Variants in LRRC1 observed in about 807,000 individuals in gnomAD.
LRRC1 encodes leucine rich repeat containing 1.
A neutral mutation model predicts 69.9 loss-of-function variants in LRRC1; 28 were observed. That is an observed-to-expected ratio of 0.40 (90% confidence interval 0.30 to 0.55). The LOEUF is 0.55. Ranked by LOEUF, LRRC1 falls within the 20% of genes least tolerant of loss-of-function variation. The pLI is 0.47. For synonymous variants in LRRC1, 236 were observed against 240.2 expected, an observed-to-expected ratio of 0.98 and a Z score of 0.16; for missense variants, 498 against 609.0, an observed-to-expected ratio of 0.82 and a Z score of 1.92.
At chr6:53,801,429 A>G (rs1297389321) in intron 1 of LRRC1, among the ~76,000 whole-genome samples, 1 of 152,262 alleles carries the variant, frequency 6.6e-6, no homozygotes, top group South Asian at 2.1e-4. Context: ...ATGTTTGGAC[A>G]TACTTCAATA....
chr6:53,874,824 A>T (rs1320311088), intron 2 of LRRC1, among the ~76,000 whole-genome samples: 1 of 152,188 alleles, frequency 6.6e-6, no homozygotes, highest in Non-Finnish European at 1.5e-5. Flanking sequence ...CTGCAGACTA[A>T]CCTTTTAAAG....
At chr6:53,855,715 G>A (rs1402217136) in intron 2 of LRRC1, among the ~76,000 whole-genome samples, 2 of 152,198 alleles carry the variant, frequency 1.3e-5, no homozygotes, top group Non-Finnish European at 2.9e-5. Flanking sequence ...CCATGGAAAT[G>A]TGCTTTATCA....
At chr6:53,904,591 TGTGAGTATAGA>T (rs1768172014) in intron 10 of LRRC1, 129 bp downstream of exon 10, 1 of 583,836 alleles carries the variant, frequency 1.7e-6, no homozygotes, top group South Asian at 2.5e-5. Context: ...ACTCTAAATC[TGTGAGTATAGA>T]GCCAACTGGA....
In LRRC1 at chr6:53,899,761, G is replaced by A; in HGVS notation, c.657G>A (p.Leu219=). The change falls in exon 8 of 14, where the codon CTG becomes CTA. Residue 219 remains leucine (L), a synonymous_variant. Transcript: ENST00000370888. The part of the protein sequence containing the change: ...LSELPQEIGN[L]KNLLCLDVSE... ...CATTGTTATAGGAAATAGGAAATCTGAAGAACCTGCTGTGTTTAGATGTCT... is the reference window on the plus strand; with the variant it reads ...CATTGTTATAGGAAATAGGAAATCTAAAGAACCTGCTGTGTTTAGATGTCT... 6.2e-7 allele frequency: 1 copy of A among 1,613,678 alleles called. No individual in the cohort carries two copies.
chr6:53,840,616 C>T (rs1398324833), intron 1 of LRRC1, among the ~76,000 whole-genome samples: 1 of 151,928 alleles, frequency 6.6e-6, no homozygotes, highest in Admixed American at 6.6e-5. Context: ...TTTTTTCTCC[C>T]ACTTTCCCAT....
At chr6:53,808,082 AT>A (rs1276859692) in intron 1 of LRRC1, among the ~76,000 whole-genome samples, 1 of 152,214 alleles carries the variant, frequency 6.6e-6, no homozygotes, top group Non-Finnish European at 1.5e-5. Flanking sequence ...TCATAAGCCT[AT>A]GAGATACCTG....
At chr6:53,909,588 T>A (rs554145214) in intron 10 of LRRC1, among the ~76,000 whole-genome samples, 1 of 151,880 alleles carries the variant, frequency 6.6e-6, no homozygotes, top group South Asian at 2.1e-4. Flanking sequence ...CTAATCAATG[T>A]AAGGTACTTT....
Position 53,842,213 on chromosome 6 carries a change from A to T in LRRC1, c.263A>T (p.Asp88Val). The change falls in exon 2 of 14, where the codon GAT becomes GTT. Residue 88 changes from aspartate to valine, a missense_variant. Asp to Val is a radical substitution (Grantham distance 152, BLOSUM62 -3). Transcript: ENST00000370888. The part of the protein sequence containing the change: ...IANFMQLVEL[D>V]VSRNEIPEIP... Reference sequence around the variant, plus strand: ...AACTTCATGCAGCTGGTGGAACTAGATGTGTCTCGAAATGGTAAGAAAGAT... The same window carrying T: ...AACTTCATGCAGCTGGTGGAACTAGTTGTGTCTCGAAATGGTAAGAAAGAT... The T allele has an allele frequency of 6.2e-7, 1 of 1,612,444 alleles. No individual in the cohort carries two copies. The highest frequency in any genetic ancestry group is 1.7e-5 in the Admixed American group (1 of 59,972).
intron 1 of LRRC1, among the ~76,000 whole-genome samples, chr6:53,812,333 G>A (rs1764815368): frequency 6.6e-6 from 1 of 152,168 alleles, no homozygotes; most frequent in African/African-American, 2.4e-5. Context: ...AGAGTTTGGT[G>A]GTTGGGGGAG....
intron 1 of LRRC1, among the ~76,000 whole-genome samples, chr6:53,815,296 A>T (rs1027742601): frequency 6.6e-6 from 1 of 152,138 alleles, no homozygotes; most frequent in African/African-American, 2.4e-5. Context: ...TCTAATGGTT[A>T]TATGATCTAG....
chr6:53,917,927 G>A (rs529685656), intron 11 of LRRC1, among the ~76,000 whole-genome samples: 104 of 152,314 alleles, frequency 6.8e-4, no homozygotes, highest in Middle Eastern at 6.8e-3. Flanking sequence ...TTACATGTAT[G>A]CAACATTCTT....
chr6:53,843,646 AG>A (rs1765853806), intron 2 of LRRC1, among the ~76,000 whole-genome samples: 1 of 152,128 alleles, frequency 6.6e-6, no homozygotes, highest in Admixed American at 6.6e-5. Context: ...ACTTAGATAA[AG>A]TGGATTTGAT....
chr6:53,918,926 A>G (rs975245760), intron 11 of LRRC1: 1 of 152,240 alleles, frequency 6.6e-6, no homozygotes, highest in Non-Finnish European at 1.5e-5. Context: ...TTAGAAGGGA[A>G]TAACTGAAAT....
At chr6:53,815,547 C>CCTCAG (rs1764928135) in intron 1 of LRRC1, among the ~76,000 whole-genome samples, 1 of 152,192 alleles carries the variant, frequency 6.6e-6, no homozygotes, top group Admixed American at 6.5e-5. Flanking sequence ...CCAAAGCCTG[C>CCTCAG]CTCAGGTCCA....
intron 4 of LRRC1, among the ~76,000 whole-genome samples, chr6:53,891,531 AAAG>A (rs1280073709): frequency 1.3e-5 from 2 of 152,016 alleles, no homozygotes; most frequent in African/African-American, 2.4e-5. Flanking sequence ...AAAAAAAAAA[AAAG>A]AGGGAGAGAG....
At chr6:53,879,136 G>A in intron 3 of LRRC1, 65 bp downstream of exon 3, 2 of 1,108,860 alleles carry the variant, frequency 1.8e-6, no homozygotes, top group Non-Finnish European at 2.7e-6. Flanking sequence ...GCCAAGCGGA[G>A]AACACAGTCA....
intron 7 of LRRC1, among the ~76,000 whole-genome samples, chr6:53,898,662 A>G (rs1767950303): frequency 1.3e-5 from 2 of 152,236 alleles, no homozygotes; most frequent in Admixed American, 1.3e-4. Context: ...ATGATGATGG[A>G]AAGAGAAAGA....
At chr6:53,806,671 A>G (rs1764643040) in intron 1 of LRRC1, among the ~76,000 whole-genome samples, 1 of 152,198 alleles carries the variant, frequency 6.6e-6, no homozygotes, top group East Asian at 1.9e-4. Flanking sequence ...AGTTGGGCAC[A>G]TACTCTGTGA....
chr6:53,798,718 C>T (rs957911121), intron 1 of LRRC1, among the ~76,000 whole-genome samples: 1 of 152,194 alleles, frequency 6.6e-6, no homozygotes, highest in Non-Finnish European at 1.5e-5. Context: ...TTGTGACACC[C>T]AATAGGTCTT....
Sources: allele counts gnomAD v4.1 joint callset (sites outside exome capture counted in the v4.1 genomes callset), GRCh38; gene constraint gnomAD v4.1.1; transcripts MANE v1.5; gene names NCBI Gene and HGNC (gene_info 2026-07-23, HGNC 2026-07-21).